Variants in ASIC2 observed in about 807,000 individuals in gnomAD.
ASIC2 encodes acid sensing ion channel subunit 2.
In ASIC2, 25 loss-of-function variants were observed where a neutral mutation model predicts 57.3. The ratio of observed to expected loss-of-function variants is 0.44; its 90% CI spans 0.32 to 0.61. The LOEUF is 0.61. Ranked by LOEUF, ASIC2 falls within the 20% of genes least tolerant of loss-of-function variation. The probability of loss-of-function intolerance (pLI) is 0.06; values close to 1 mark genes in which losing one functional copy is unlikely to be tolerated. For synonymous variants in ASIC2, 319 were observed against 307.5 expected (o/e 1.04, Z -0.39); for missense variants, 641 against 738.1 (o/e 0.87, Z 1.52).
At chr17:33,897,164 G>T (rs1433310263) in intron 1 of ASIC2, among the ~76,000 whole-genome samples, 2 of 152,172 alleles carry the variant, frequency 1.3e-5, no homozygotes. Context: ...ACTTTGAAAA[G>T]GAGGGATTTT....
At chr17:34,125,770 C>A (rs1911762191) in intron 1 of ASIC2, among the ~76,000 whole-genome samples, 3 of 152,178 alleles carry the variant, frequency 2.0e-5, no homozygotes, top group Admixed American at 6.5e-5. Flanking sequence ...TGTTCTCATG[C>A]CTAGATGTCT....
At chr17:33,575,392 C>T (rs558896795) in intron 1 of ASIC2, among the ~76,000 whole-genome samples, 2 of 152,280 alleles carry the variant, frequency 1.3e-5, no homozygotes, top group East Asian at 3.9e-4. Context: ...GATTGGGAAG[C>T]ACTGTGAAAT....
At chr17:33,473,032 G>A (rs1044232560) in intron 1 of ASIC2, among the ~76,000 whole-genome samples, 5 of 152,196 alleles carry the variant, frequency 3.3e-5, no homozygotes, top group Admixed American at 2.0e-4. Context: ...TGAGTCAGCC[G>A]GGAGCACAGA....
At chr17:33,115,251 C>G (rs572078163) in intron 1 of ASIC2, among the ~76,000 whole-genome samples, 1 of 152,104 alleles carries the variant, frequency 6.6e-6, no homozygotes. Flanking sequence ...TCAAGGGTGG[C>G]GGTCACCAGA....
At chr17:34,147,464 G>A (rs1346479333) in intron 1 of ASIC2, among the ~76,000 whole-genome samples, 2 of 152,172 alleles carry the variant, frequency 1.3e-5, no homozygotes, top group African/African-American at 4.8e-5. Context: ...CCAAAGAATG[G>A]CACTTTGGGG....
At chr17:34,133,461 GA>G (rs940432440) in intron 1 of ASIC2, among the ~76,000 whole-genome samples, 4 of 152,350 alleles carry the variant, frequency 2.6e-5, no homozygotes, top group South Asian at 2.1e-4. Flanking sequence ...GCTGGCTACA[GA>G]ACATCAGTGC....
chr17:33,055,002 C>A (rs1263449125), intron 3 of ASIC2, among the ~76,000 whole-genome samples: 1 of 152,226 alleles, frequency 6.6e-6, no homozygotes, highest in East Asian at 1.9e-4. Context: ...CTCCACTCAG[C>A]CCATGTCAGC....
At chr17:33,932,741 A>AAAAATATATATATAT (rs1555572867) in intron 1 of ASIC2, 4 of 58,710 alleles carry the variant, frequency 6.8e-5, no homozygotes, top group Non-Finnish European at 9.3e-5. Flanking sequence ...AAAAAAAAAA[A>AAAAATATATATATAT]ATATATATAT....
At chr17:33,151,677 G>A (rs945039453) in intron 1 of ASIC2, among the ~76,000 whole-genome samples, 1 of 152,144 alleles carries the variant, frequency 6.6e-6, no homozygotes, top group Non-Finnish European at 1.5e-5. Flanking sequence ...CTGATAAAAG[G>A]ATGGGTTCAC....
At chr17:33,455,190 A>T (rs974623921) in intron 1 of ASIC2, among the ~76,000 whole-genome samples, 2 of 151,514 alleles carry the variant, frequency 1.3e-5, no homozygotes, top group Non-Finnish European at 2.9e-5. Context: ...TTATTTTGTC[A>T]TTTTTCCAAC....
chr17:33,696,239 T>C (rs1908523530), intron 1 of ASIC2, among the ~76,000 whole-genome samples: 1 of 152,182 alleles, frequency 6.6e-6, no homozygotes, highest in Admixed American at 6.5e-5. Flanking sequence ...ATAGCGCTGT[T>C]GTCAGATTCT....
chr17:33,840,437 G>A (rs943771700), intron 1 of ASIC2, among the ~76,000 whole-genome samples: 1 of 152,214 alleles, frequency 6.6e-6, no homozygotes, highest in African/African-American at 2.4e-5. Flanking sequence ...GCATGAAGGA[G>A]TGTATGTACA....
At chr17:33,896,056 T>C (rs1288306673) in intron 1 of ASIC2, among the ~76,000 whole-genome samples, 2 of 152,190 alleles carry the variant, frequency 1.3e-5, no homozygotes, top group African/African-American at 4.8e-5. Flanking sequence ...GTAGAAACAA[T>C]GTTTTCCAAT....
intron 1 of ASIC2, chr17:33,932,741 A>AAAAATATATATATATAT (rs1555572867): frequency 1.4e-3 from 83 of 58,548 alleles, no homozygotes; most frequent in Non-Finnish European, 2.2e-3. Context: ...AAAAAAAAAA[A>AAAAATATATATATATAT]ATATATATAT....
At chr17:33,063,117 T>G (rs2141941583) in intron 3 of ASIC2, among the ~76,000 whole-genome samples, 1 of 152,370 alleles carries the variant, frequency 6.6e-6, no homozygotes, top group South Asian at 2.1e-4. Flanking sequence ...CGTTATCCAA[T>G]TTGCCAGTCT....
At chr17:34,083,472 A>G (rs1169752490) in intron 1 of ASIC2, among the ~76,000 whole-genome samples, 21 of 151,472 alleles carry the variant, frequency 1.4e-4, no homozygotes, top group African/African-American at 1.9e-4. Context: ...GAATAGTGCC[A>G]CAATAAACAT....
chr17:33,318,416 G>A (rs2142212769), intron 1 of ASIC2, among the ~76,000 whole-genome samples: 1 of 152,222 alleles, frequency 6.6e-6, no homozygotes, highest in South Asian at 2.1e-4. Flanking sequence ...CCAAAATAAG[G>A]TCCTAATCTG....
At chr17:33,523,676 C>T (rs931417529) in intron 1 of ASIC2, among the ~76,000 whole-genome samples, 4 of 152,176 alleles carry the variant, frequency 2.6e-5, no homozygotes, top group African/African-American at 9.6e-5. Context: ...AACACTGACT[C>T]AGAAAATGAC....
chr17:34,032,471 C>A (rs1316379372), intron 1 of ASIC2, among the ~76,000 whole-genome samples: 1 of 152,142 alleles, frequency 6.6e-6, no homozygotes, highest in Non-Finnish European at 1.5e-5. Context: ...GCAAAATAAC[C>A]AGCTAACATC....
Sources: allele counts gnomAD v4.1 joint callset (sites outside exome capture counted in the v4.1 genomes callset), GRCh38; gene constraint gnomAD v4.1.1; transcripts MANE v1.5; gene names NCBI Gene and HGNC (gene_info 2026-07-23, HGNC 2026-07-21).